The following FXYD3 variants were observed in gnomAD, a reference collection of about 807,000 sequenced individuals.
FXYD3 encodes the protein FXYD domain-containing ion transport regulator 3.
In FXYD3, 13 loss-of-function variants were observed where a neutral mutation model predicts 19.2. The ratio of observed to expected loss-of-function variants is 0.68; its 90% CI spans 0.44 to 1.08. FXYD3 has a LOEUF of 1.08. FXYD3 is among the 50% of genes least tolerant of loss of function. The pLI, the probability that FXYD3 is intolerant of heterozygous loss-of-function variation, is 0.00. For synonymous variants in FXYD3, 48 were observed against 38.9 expected, an observed-to-expected ratio of 1.23 and a Z score of -0.87; for missense variants, 101 against 109.4, an observed-to-expected ratio of 0.92 and a Z score of 0.34.
intron 3 of FXYD3, among the ~76,000 whole-genome samples, chr19:35,120,739 A>C (rs1256386064): frequency 1.3e-5 from 2 of 152,204 alleles, no homozygotes; most frequent in Non-Finnish European, 2.9e-5. Context: ...TGGGAACTGA[A>C]ACCATCTGTC....
rs762161470 is a variant in FXYD3 at position 35,122,909 on chromosome 19, C to T, written c.173-9C>T. 6 of 1,611,136 alleles carry T rather than the reference C, an allele frequency of 3.7e-6. No homozygotes were observed. The highest frequency in any genetic ancestry group is 1.7e-5 in the Admixed American group (1 of 59,462). On this transcript the variant is annotated splice_polypyrimidine_tract_variant and intron_variant, in intron 6 of 8. Transcript: ENST00000604404. ...TCCCCTCCCCTGACCACTCAGCTCT[C>T]CCCAACAGGTGCAAAATGCAAATGC...
intron 2 of FXYD3, chr19:35,118,662 G>T: frequency 1.3e-6 from 1 of 797,696 alleles, no homozygotes; most frequent in Non-Finnish European, 1.5e-6. Flanking sequence ...ACCGGGAAGG[G>T]CATGGGTGTG....
In FXYD3 at chr19:35,121,134, C is replaced by G. The variant is rs188585773; in HGVS notation, c.73+24C>G. The G allele has an allele frequency of 3.7e-6, 6 of 1,613,764 alleles. No homozygotes were observed. In the Admixed American group the frequency reaches 6.7e-5, roughly 18 times the overall value. On this transcript the variant is annotated intron_variant, in intron 4 of 8. Transcript: ENST00000604404. The stretch of plus-strand genomic sequence containing the variant: ...AGGTGAGTCAGACTGGACTCTCACC[C>G]GTCACACCCCCAAATTCTCCCCTGG...
At chr19:35,121,298 G>T in intron 5 of FXYD3, 53 bp downstream of exon 5, 1 of 1,614,154 alleles carries the variant, frequency 6.2e-7, no homozygotes, top group Non-Finnish European at 8.5e-7. Context: ...ACTGCTTGGT[G>T]CCAAGGGTTC....
At chr19:35,123,209 T>A in intron 7 of FXYD3, 62 bp from the exon 8 acceptor site, 1 of 1,534,610 alleles carries the variant, frequency 6.5e-7, no homozygotes, top group Non-Finnish European at 8.8e-7. Context: ...CTAAGAACCC[T>A]CTATCCGGAG....
intron 5 of FXYD3, 110 bp downstream of exon 5, chr19:35,121,355 G>T (rs769553816): frequency 1.2e-6 from 2 of 1,613,080 alleles, no homozygotes; most frequent in South Asian, 1.1e-5. Flanking sequence ...ACAAAGATAC[G>T]AAGGGACTAG....
At chr19:35,121,009 A>G (rs1688015) in intron 3 of FXYD3, 69 bp from the exon 4 acceptor site, 990,746 of 1,584,524 alleles carry the variant, frequency 0.63, 312,266 homozygotes, top group South Asian at 0.73. Context: ...GAAACTCCCC[A>G]GGCCCTGCCC....
chr19:35,123,264 T>C lies in FXYD3; in HGVS notation c.210-7T>C, dbSNP rs769904354. Reference sequence around the variant, plus strand: ...GGACACCAATCTCACCACTTTTGTCTCCTTAGTCACCATCCAGGGGAGACT... The same window carrying C: ...GGACACCAATCTCACCACTTTTGTCCCCTTAGTCACCATCCAGGGGAGACT... On this transcript the variant is annotated splice_polypyrimidine_tract_variant and splice_region_variant and intron_variant, in intron 7 of 8. Coordinates refer to ENST00000604404, the MANE Select transcript of FXYD3 (RefSeq NM_005971.4). 1.3e-6 allele frequency: 2 copies of C among 1,586,016 alleles called. No individual in the cohort carries two copies. Among genetic ancestry groups the C allele is most frequent in the Non-Finnish European group, 1.7e-6 (2 of 1,165,862 alleles).
In FXYD3 at chr19:35,123,454, C is replaced by G. The variant is rs764390697; in HGVS notation, c.261C>G (p.Ser87Arg). ...CACTTCCCGCAGGCTCAGCCCAAAGCTGATGAGGACAGACCAGCTGAAATT... is the reference window on the plus strand; with the variant it reads ...CACTTCCCGCAGGCTCAGCCCAAAGGTGATGAGGACAGACCAGCTGAAATT... ...PPLITPGSAQ[S>R] is the part of the protein sequence containing the mutation. The change falls in exon 9 of 9, where the codon AGC becomes AGG. Residue 87 changes from serine (S) to arginine (R), a missense_variant. Transcript: ENST00000604404. 5.6e-6 allele frequency: 9 copies of G among 1,614,170 alleles called. No homozygotes were observed. The highest frequency in any genetic ancestry group is 6.8e-6 in the Non-Finnish European group (8 of 1,180,022).
intron 1 of FXYD3, 66 bp from the exon 2 acceptor site, chr19:35,116,198 T>C: frequency 1.0e-6 from 1 of 985,126 alleles, no homozygotes; most frequent in Non-Finnish European, 1.2e-6. Context: ...GGTGAAGCTG[T>C]CTCTTTAAGA....
intron 7 of FXYD3, 80 bp downstream of exon 7, chr19:35,123,034 G>T (rs1333633649): frequency 1.3e-6 from 2 of 1,495,454 alleles, no homozygotes; most frequent in Non-Finnish European, 1.8e-6. Flanking sequence ...CCCAGCAGGA[G>T]AGGCCTCGGG....
intron 5 of FXYD3, chr19:35,121,454 G>A (rs1180977323): frequency 7.4e-6 from 11 of 1,478,996 alleles, no homozygotes; most frequent in Non-Finnish European, 9.9e-6. Flanking sequence ...CAGCAAGATA[G>A]ACACACGCAG....
At position 35,123,792 on chromosome 19, in the gene FXYD3, T is replaced by G. The variant is rs769186213; in HGVS notation, c.*335T>G. On this transcript the variant is annotated 3_prime_UTR_variant, in exon 9 of 9. Transcript: ENST00000604404. Reference sequence around the variant, plus strand: ...GGAAAAGCCCACAGGCCTGTTCCCTTGTGGCTTGGGACATGGCACAGGCCC... The same window carrying G: ...GGAAAAGCCCACAGGCCTGTTCCCTGGTGGCTTGGGACATGGCACAGGCCC... The G allele has an allele frequency of 2.3e-6, 1 of 431,848 alleles. No individual in the cohort carries two copies. The highest frequency in any genetic ancestry group is 4.2e-6 in the Non-Finnish European group (1 of 236,694). The allele number at this position is 431,848 out of a possible 1,614,324, so 26.8% of individuals were successfully genotyped here.
At chr19:35,116,818 G>A (rs1245026970) in intron 2 of FXYD3, 3 of 985,270 alleles carry the variant, frequency 3.0e-6, no homozygotes, top group Non-Finnish European at 3.6e-6. Flanking sequence ...AGTGCTGGGT[G>A]GACTCGGGGT....
intron 2 of FXYD3, chr19:35,117,201 C>T (rs1056206425): frequency 7.0e-7 from 1 of 1,420,720 alleles, no homozygotes; most frequent in East Asian, 3.0e-5. Context: ...GAGGGCAGAC[C>T]CAGCTCCCGG....
chr19:35,123,073 A>T (rs2065083105), intron 7 of FXYD3, 119 bp downstream of exon 7: 3 of 1,460,302 alleles, frequency 2.1e-6, no homozygotes. Context: ...CCTGCCGCTA[A>T]GATTTCCAGG....
intron 5 of FXYD3, 110 bp from the exon 6 acceptor site, chr19:35,122,655 C>T: frequency 1.2e-6 from 1 of 866,528 alleles, no homozygotes; most frequent in South Asian, 1.4e-5. Context: ...ATGGCGGTGT[C>T]CCCAGCACCC....
At position 35,122,403 on chromosome 19, in the gene FXYD3, C is replaced by G. The variant is rs572668945; in HGVS notation, c.98-362C>G. ...CTCCTGACCTCAGGTGATCCGCCCA[C>G]CTTGGCCTCCCAAAGTGCTGGGATA... is the stretch of plus-strand genomic sequence containing the variant. On this transcript the variant is annotated intron_variant, in intron 5 of 8. Coordinates refer to ENST00000604404, the MANE Select transcript of FXYD3 (RefSeq NM_005971.4). Among the ~76,000 whole-genome samples the G allele has an allele frequency of 2.0e-5, 3 of 152,338 alleles. No homozygotes were observed. In the East Asian group the frequency reaches 5.8e-4, roughly 29 times the overall value.
At chr19:35,116,501 A>C in intron 2 of FXYD3, 142 bp downstream of exon 2, 8 of 985,536 alleles carry the variant, frequency 8.1e-6, no homozygotes, top group Non-Finnish European at 9.6e-6. Context: ...TTCTGGAGCC[A>C]GGAGATAAAC....
Sources: allele counts gnomAD v4.1 joint callset (sites outside exome capture counted in the v4.1 genomes callset), GRCh38; gene constraint gnomAD v4.1.1; transcripts MANE v1.5; gene names NCBI Gene and HGNC (gene_info 2026-07-23, HGNC 2026-07-21).